RHD: variants seen among roughly 807,000 people sequenced by gnomAD.
RHD encodes Rh blood group D antigen.
In RHD, 16 loss-of-function variants were observed where a neutral mutation model predicts 45.5. The observed-to-expected ratio is 0.35, with a 90% CI of 0.24 to 0.53. The LOEUF (loss-of-function observed/expected upper bound fraction) is 0.53. Ranked by LOEUF, RHD falls within the 20% of genes least tolerant of loss-of-function variation. The probability of loss-of-function intolerance (pLI) is 0.92; values close to 1 mark genes in which losing one functional copy is unlikely to be tolerated. For missense variants in RHD, 306 were observed against 532.0 expected (o/e 0.58, Z 4.18); for synonymous variants, 131 against 217.5 (o/e 0.60, Z 3.50).
chr1:25,300,869 C>G, intron 3 of RHD, 77 bp from the exon 4 acceptor site: 1 of 1,333,732 alleles, frequency 7.5e-7, no homozygotes, highest in Non-Finnish European at 1.1e-6. Context: ...AAGCTCTGAA[C>G]TTTCTCCAAG....
chr1:25,301,130 G>A lies in RHD; in HGVS notation c.634+37G>A, dbSNP rs755748343. ...GTGGGGTGAGTGGTCTCCTACTTGGGCTGAGCAGAATGGCTCAGAAAAGGC... is the reference window on the plus strand; with the variant it reads ...GTGGGGTGAGTGGTCTCCTACTTGGACTGAGCAGAATGGCTCAGAAAAGGC... On this transcript the variant is annotated intron_variant, in intron 4 of 9. Transcript: ENST00000328664. The A allele has an allele frequency of 1.4e-5, 19 of 1,367,290 alleles. No homozygotes were observed. The East Asian group carries it at 4.3e-4, about 31-fold the overall frequency. 84.7% of individuals were successfully genotyped at this position (1,367,290 alleles called of 1,614,324 possible).
intron 3 of RHD, among the ~76,000 whole-genome samples, chr1:25,292,553 T>A (rs1335260660): frequency 7.7e-6 from 1 of 130,082 alleles, no homozygotes; most frequent in Non-Finnish European, 1.8e-5. Context: ...CGGCTGCTGG[T>A]GCCATTTACT....
rs991279379 is a variant in RHD, at chr1:25,299,367, T to C, written c.487-1579T>C. 8.5e-5 allele frequency among the ~76,000 whole-genome samples: 11 copies of C among 129,930 alleles called. 4 individuals are homozygous for C. Among genetic ancestry groups the C allele is most frequent in the Non-Finnish European group, 7.2e-5 (4 of 55,238 alleles). 85.2% of individuals were successfully genotyped at this position (129,930 alleles called of 152,430 possible). ...AGTGCACTCTAGCCTGGCGACAGAG[T>C]GAGACTCCGTCTCAAAAATAAATAA... On this transcript the variant is annotated intron_variant, in intron 3 of 9. Coordinates refer to ENST00000328664, the MANE Select transcript of RHD (RefSeq NM_016124.6).
intron 1 of RHD, 51 bp from the exon 2 acceptor site, chr1:25,284,522 A>C (rs767278754): frequency 7.4e-7 from 1 of 1,353,642 alleles, no homozygotes; most frequent in Non-Finnish European, 1.0e-6. Flanking sequence ...ATACCACCCT[A>C]AATCTCGTCT....
At position 25,322,423 on chromosome 1, in the gene RHD, A is replaced by T. The variant is rs1294381099; in HGVS notation, c.1227+461A>T. 4.5e-5 allele frequency among the ~76,000 whole-genome samples: 6 copies of T among 133,490 alleles called. No individual in the cohort carries two copies. The East Asian group carries it at 1.2e-3, about 26-fold the overall frequency. 87.6% of individuals were successfully genotyped at this position (133,490 alleles called of 152,430 possible). Reference sequence around the variant, plus strand: ...CACGGTGGCTCACGCCTGTGATCCCAGCACTTTGGGAGGCTGAGGTGGGGC... The same window carrying T: ...CACGGTGGCTCACGCCTGTGATCCCTGCACTTTGGGAGGCTGAGGTGGGGC... On this transcript the variant is annotated intron_variant, in intron 9 of 9. Coordinates refer to ENST00000328664, the MANE Select transcript of RHD (RefSeq NM_016124.6).
chr1:25,287,358 A>G (rs778993956), intron 2 of RHD, among the ~76,000 whole-genome samples: 4 of 135,170 alleles, frequency 3.0e-5, no homozygotes, highest in Non-Finnish European at 1.8e-5. Flanking sequence ...CTCAATCTAG[A>G]AAGACGAGAA....
At chr1:25,311,997 G>A (rs1329430834) in intron 7 of RHD, among the ~76,000 whole-genome samples, 3 of 122,724 alleles carry the variant, frequency 2.4e-5, no homozygotes, top group African/African-American at 8.6e-5. Context: ...GAATGGTAGA[G>A]CTATCATAGT....
Position 25,274,692 on chromosome 1 carries a change from G to C in RHD, c.148+1997G>C, listed in dbSNP as rs1640787573. Among the ~76,000 whole-genome samples the C allele has an allele frequency of 1.5e-5, 2 of 133,572 alleles. 1 individual carries two copies. 87.6% of individuals were successfully genotyped at this position (133,572 alleles called of 152,430 possible). A position where few individuals can be genotyped will look rare whatever the true frequency, so the allele number is the denominator to read the frequency against. The stretch of plus-strand genomic sequence containing the variant: ...GCAGACTGAGCCTGGGCTTAACATT[G>C]CATTGCCCTGGAGCCTAAAAGGGGA... On this transcript the variant is annotated intron_variant, in intron 1 of 9. Coordinates refer to ENST00000328664, the MANE Select transcript of RHD (RefSeq NM_016124.6).
intron 2 of RHD, among the ~76,000 whole-genome samples, chr1:25,285,542 A>C (rs28591112): frequency 0.014 from 1,892 of 134,978 alleles, 242 homozygotes; most frequent in African/African-American, 0.046. Context: ...GTTTACATGC[A>C]TTTGTGTGAA....
At position 25,302,361 on chromosome 1, in the gene RHD, C is replaced by G. The variant is rs1219385575; in HGVS notation, c.801+675C>G. ...TGGTGGTGTCGGAGGGAAGTCTGGA[C>G]AGACCAGTGGTGGGGCTCGGGTGGG... On this transcript the variant is annotated intron_variant, in intron 5 of 9. Transcript: ENST00000328664. Among the ~76,000 whole-genome samples, 9 of 126,836 alleles carry G rather than the reference C, an allele frequency of 7.1e-5. 1 individual carries two copies. Among genetic ancestry groups the G allele is most frequent in the Non-Finnish European group, 1.7e-4 (9 of 54,182 alleles). The allele number at this position is 126,836 out of a possible 152,430, so 83.2% of individuals were successfully genotyped here.
chr1:25,293,704 A>G (rs1216629621), intron 3 of RHD, among the ~76,000 whole-genome samples: 6 of 131,666 alleles, frequency 4.6e-5, no homozygotes, highest in African/African-American at 1.6e-4. Flanking sequence ...GTATCTACTG[A>G]CTAGAGAGGG....
Position 25,319,689 on chromosome 1 carries a change from C to A in RHD, c.1154-2200C>A, listed in dbSNP as rs187421005. On this transcript the variant is annotated intron_variant, in intron 8 of 9. Coordinates refer to ENST00000328664, the MANE Select transcript of RHD (RefSeq NM_016124.6). ...GCCAAAATTGCACCAAATGGACTCC[C>A]AGAAGACAAGCATTTAATTTGTTAA... 3.0e-4 allele frequency among the ~76,000 whole-genome samples: 40 copies of A among 132,150 alleles called. 6 individuals carry two copies. The highest frequency in any genetic ancestry group is 1.0e-3 in the African/African-American group (39 of 38,868). 86.7% of individuals were successfully genotyped at this position (132,150 alleles called of 152,430 possible).
intron 1 of RHD, among the ~76,000 whole-genome samples, chr1:25,276,524 C>CCCCCG (rs1447515130): frequency 1.8e-5 from 1 of 56,922 alleles, no homozygotes; most frequent in African/African-American, 7.5e-5. Flanking sequence ...GAGACCCCCC[C>CCCCCG]CCATCTCTAA....
At chr1:25,320,515 A>G (rs1221674639) in intron 8 of RHD, among the ~76,000 whole-genome samples, 3 of 132,214 alleles carry the variant, frequency 2.3e-5, no homozygotes, top group Admixed American at 7.4e-5. Flanking sequence ...CTGCATGCCA[A>G]TATCAGCTAA....
At position 25,316,687 on chromosome 1, in the gene RHD, G is replaced by T. The variant is rs559005799; in HGVS notation, c.1074-313G>T. ...TGAGAGGTTGAGGGACTTGCCCAGG[G>T]TCTTGCAGCTAGTAAGTGACAGAGC... On this transcript the variant is annotated intron_variant, in intron 7 of 9. Transcript: ENST00000328664. 2.2e-4 allele frequency among the ~76,000 whole-genome samples: 27 copies of T among 125,390 alleles called. 7 individuals carry two copies. Among genetic ancestry groups the T allele is most frequent in the Non-Finnish European group, 4.6e-4 (24 of 52,706 alleles). 82.3% of individuals were successfully genotyped at this position (125,390 alleles called of 152,430 possible).
rs750823240 is a variant in RHD, at chr1:25,273,302, A to ATTTTTTT, written c.148+621_148+627dup. 5.4e-3 allele frequency among the ~76,000 whole-genome samples: 531 copies of ATTTTTTT among 97,734 alleles called. 19 individuals are homozygous for ATTTTTTT. Among genetic ancestry groups the ATTTTTTT allele is most frequent in the African/African-American group, 0.019 (510 of 27,020 alleles). The allele number at this position is 97,734 out of a possible 152,430, so 64.1% of individuals were successfully genotyped here. ...AGGAGGGCACCACCATGCCTGGCTA[A>ATTTTTTT]TTTTTTTTTTTTTTTTTTTTGGTAG... On this transcript the variant is annotated intron_variant, in intron 1 of 9. Coordinates refer to ENST00000328664, the MANE Select transcript of RHD (RefSeq NM_016124.6).
chr1:25,315,343 C>A (rs1445626615), intron 7 of RHD, among the ~76,000 whole-genome samples: 1 of 129,136 alleles, frequency 7.7e-6, no homozygotes. Context: ...TGAAGATATA[C>A]AAAGATGGCA....
At chr1:25,321,858 T>C (rs28669938) in intron 8 of RHD, 31 bp from the exon 9 acceptor site, 255,436 of 1,044,360 alleles carry the variant, frequency 0.24, 70,217 homozygotes, top group Admixed American at 0.31. Context: ...GTGCTCCAAA[T>C]CTTTTAACAT....
Position 25,273,302 on chromosome 1 carries a change from AT to A in RHD, c.148+627del, listed in dbSNP as rs750823240. ...AGGAGGGCACCACCATGCCTGGCTAATTTTTTTTTTTTTTTTTTTTGGTAGA... is the reference window on the plus strand; with the variant it reads ...AGGAGGGCACCACCATGCCTGGCTAATTTTTTTTTTTTTTTTTTTGGTAGA... On this transcript the variant is annotated intron_variant, in intron 1 of 9. Coordinates refer to ENST00000328664, the MANE Select transcript of RHD (RefSeq NM_016124.6). Among the ~76,000 whole-genome samples the A allele has an allele frequency of 3.4e-3, 334 of 97,770 alleles. 12 individuals carry two copies. Among genetic ancestry groups the A allele is most frequent in the African/African-American group, 6.3e-3 (170 of 27,064 alleles). 64.1% of individuals were successfully genotyped at this position (97,770 alleles called of 152,430 possible). A position where few individuals can be genotyped will look rare whatever the true frequency, so the allele number is the denominator to read the frequency against.
Sources: allele counts gnomAD v4.1 joint callset (sites outside exome capture counted in the v4.1 genomes callset), GRCh38; gene constraint gnomAD v4.1.1; transcripts MANE v1.5; gene names NCBI Gene and HGNC (gene_info 2026-07-23, HGNC 2026-07-21).